AADAT: variants seen among roughly 807,000 people sequenced by gnomAD.
AADAT encodes the protein kynurenine/alpha-aminoadipate aminotransferase, mitochondrial.
Under a neutral mutation model 56.2 loss-of-function variants are expected in AADAT, and 25 were observed. The observed-to-expected ratio is 0.44, with a 90% CI of 0.32 to 0.62. The LOEUF is 0.62. AADAT is among the 20% of genes least tolerant of loss of function. The pLI, the probability that AADAT is intolerant of heterozygous loss-of-function variation, is 0.04. For missense variants in AADAT, 387 were observed against 510.5 expected, an observed-to-expected ratio of 0.76 and a Z score of 2.33; for synonymous variants, 173 against 164.7, an observed-to-expected ratio of 1.05 and a Z score of -0.39.
intron 3 of AADAT, among the ~76,000 whole-genome samples, chr4:170,083,772 T>A (rs746574830): frequency 6.6e-6 from 1 of 152,290 alleles, no homozygotes. Flanking sequence ...GGGGAACCTT[T>A]ATACACTTTA....
Position 170,072,832 on chromosome 4 carries a change from T to C in AADAT, c.654+304A>G, listed in dbSNP as rs549933245. Among the ~76,000 whole-genome samples the C allele has an allele frequency of 2.0e-4, 31 of 152,188 alleles. No individual in the cohort carries two copies. The East Asian group carries it at 2.7e-3, about 13-fold the overall frequency. On this transcript the variant is annotated intron_variant, in intron 5 of 12. Transcript: ENST00000337664. Reference sequence around the variant, plus strand: ...GACAAGTTAACAACACAGAAAATAATGGAAATCAAACTTGGGATAAAATAT... The same window carrying C: ...GACAAGTTAACAACACAGAAAATAACGGAAATCAAACTTGGGATAAAATAT...
rs142689960 is a variant in AADAT at position 170,069,564 on chromosome 4, T to A, written c.721-334A>T. ...GGATTAACAGACTTACAGGAGGGAC[T>A]CAAGAAACACTAGTTTGAACAAGAC... is the stretch of plus-strand genomic sequence containing the variant. On this transcript the variant is annotated intron_variant, in intron 6 of 12. Transcript: ENST00000337664. Among the ~76,000 whole-genome samples, 709 of 152,164 alleles carry A rather than the reference T, an allele frequency of 4.7e-3. 3 individuals carry two copies. The highest frequency in any genetic ancestry group is 0.023 in the South Asian group (112 of 4,818).
chr4:170,093,502 G>A (rs1732928468), upstream of AADAT, among the ~76,000 whole-genome samples: 1 of 152,130 alleles, frequency 6.6e-6, no homozygotes, highest in Admixed American at 6.6e-5. Context: ...GGAATTTGGA[G>A]TGCTGGGCCA....
rs1732672072 is a variant in AADAT at position 170,088,476 on chromosome 4, T to C, written c.156A>G (p.Val52=). Residue 52 remains valine, a synonymous_variant, in exon 2 of 13, where the codon GTA becomes GTG. Transcript: ENST00000337664. The stretch of plus-strand genomic sequence containing the variant: ...TGGTCTTTCCATTTTCTACAGTGAT[T>C]ACGGCAGTCTTAAAAGGAAACATGT... ...NPNMFPFKTA[V]ITVENGKTIQ... is the part of the protein sequence containing the mutation. The C allele has an allele frequency of 9.3e-6, 15 of 1,613,818 alleles. No individual in the cohort carries two copies. The East Asian group carries it at 3.3e-4, about 36-fold the overall frequency.
At chr4:170,087,368 A>C (rs1305544190) in intron 2 of AADAT, 120 bp from the exon 3 acceptor site, 2 of 928,782 alleles carry the variant, frequency 2.2e-6, no homozygotes, top group Non-Finnish European at 3.1e-6. Flanking sequence ...AAAAACCCTC[A>C]AATGCTTTTT....
intron 5 of AADAT, among the ~76,000 whole-genome samples, chr4:170,071,216 TG>T (rs1731747365): frequency 1.3e-5 from 2 of 152,240 alleles, no homozygotes; most frequent in South Asian, 4.1e-4. Context: ...CCCAGCTAGA[TG>T]GGTGGCTTTT....
At chr4:170,090,358 C>T (rs1182568524), upstream of AADAT, 1 of 152,372 alleles carries the variant, frequency 6.6e-6, no homozygotes, top group East Asian at 1.9e-4. Flanking sequence ...CTCCGCTGGC[C>T]TCCTCTCAGT....
At chr4:170,072,414 C>T (rs1023270612) in intron 5 of AADAT, among the ~76,000 whole-genome samples, 4 of 151,964 alleles carry the variant, frequency 2.6e-5, no homozygotes, top group African/African-American at 4.8e-5. Flanking sequence ...GGATTACAGG[C>T]GTGAGCCACT....
chr4:170,083,749 G>A (rs1732424065), intron 3 of AADAT, among the ~76,000 whole-genome samples: 1 of 152,166 alleles, frequency 6.6e-6, no homozygotes, highest in Non-Finnish European at 1.5e-5. Flanking sequence ...AGATGCTGAT[G>A]AGGGTAGAGA....
intron 8 of AADAT, 109 bp downstream of exon 8, chr4:170,068,469 GCAAAGAAGGCAAA>G: frequency 1.5e-6 from 1 of 645,720 alleles, no homozygotes; most frequent in Non-Finnish European, 2.6e-6. Context: ...TAGCATGTCT[GCAAAGAAGGCAAA>G]CTATGAGTCA....
At chr4:170,091,109 G>C (rs561844596), upstream of AADAT, among the ~76,000 whole-genome samples, 20 of 152,352 alleles carry the variant, frequency 1.3e-4, no homozygotes, top group South Asian at 4.1e-3. Context: ...CGCCTCCTCG[G>C]CCTCAGCGCT....
At chr4:170,082,252 C>T (rs1732353883) in intron 3 of AADAT, among the ~76,000 whole-genome samples, 1 of 151,992 alleles carries the variant, frequency 6.6e-6, no homozygotes, top group Admixed American at 6.6e-5. Flanking sequence ...ACATCTCAAG[C>T]CAAAATGTGG....
intron 3 of AADAT, among the ~76,000 whole-genome samples, chr4:170,079,968 C>T (rs1034171049): frequency 6.6e-6 from 1 of 152,060 alleles, no homozygotes; most frequent in Non-Finnish European, 1.5e-5. Context: ...CAGGGAACTC[C>T]AATAAATAAT....
upstream of AADAT, among the ~76,000 whole-genome samples, chr4:170,094,260 A>G (rs1291104749): frequency 6.6e-6 from 1 of 152,234 alleles, no homozygotes; most frequent in Admixed American, 6.5e-5. Flanking sequence ...GCAAGGGTTA[A>G]GTTGGGAAGA....
intron 3 of AADAT, 35 bp from the exon 4 acceptor site, chr4:170,078,618 G>A (rs755750150): frequency 2.0e-6 from 3 of 1,473,612 alleles, no homozygotes; most frequent in Non-Finnish European, 2.8e-6. Context: ...TTGTTAGTCA[G>A]CATAGGTTAG....
intron 12 of AADAT, among the ~76,000 whole-genome samples, chr4:170,061,546 A>G (rs930639637): frequency 6.6e-6 from 1 of 152,208 alleles, no homozygotes; most frequent in African/African-American, 2.4e-5. Context: ...TTTTTTCTTC[A>G]GAGAAAGTGA....
intron 9 of AADAT, among the ~76,000 whole-genome samples, chr4:170,066,758 T>C (rs1442225412): frequency 6.6e-6 from 1 of 152,042 alleles, no homozygotes; most frequent in Non-Finnish European, 1.5e-5. Flanking sequence ...TCAATCTTTG[T>C]GTTTAGTTGT....
In AADAT at chr4:170,069,233, TAAAATGA is replaced by T. The variant is rs1280776701; in HGVS notation, c.721-10_721-4del. On this transcript the variant is annotated splice_region_variant and splice_polypyrimidine_tract_variant and intron_variant, in intron 6 of 12. Transcript: ENST00000337664. ...GAAAGAAATGTTGGTACCCTGAACT[TAAAATGA>T]AAAATAAAAAATACTGTTGGTCTGA... 2.5e-6 allele frequency: 4 copies of T among 1,612,542 alleles called. No homozygotes were observed. The highest frequency in any genetic ancestry group is 3.4e-6 in the Non-Finnish European group (4 of 1,179,042).
rs115007455 is a variant in AADAT at position 170,080,328 on chromosome 4, G to A, written c.370-1745C>T. The stretch of plus-strand genomic sequence containing the variant: ...CCCAATTCTGCCTGGCACCAAGCAC[G>A]TGGAAAAACTCCCCCTAATTCACGG... On this transcript the variant is annotated intron_variant, in intron 3 of 12. Transcript: ENST00000337664. 2.1e-3 allele frequency among the ~76,000 whole-genome samples: 316 copies of A among 152,192 alleles called. 1 individual carries two copies. The highest frequency in any genetic ancestry group is 0.01 in the Middle Eastern group (3 of 294).
Sources: allele counts gnomAD v4.1 joint callset (sites outside exome capture counted in the v4.1 genomes callset), GRCh38; gene constraint gnomAD v4.1.1; transcripts MANE v1.5; gene names NCBI Gene and HGNC (gene_info 2026-07-23, HGNC 2026-07-21).